Variants in FER1L5 observed in about 807,000 individuals in gnomAD.
FER1L5 encodes fer-1-like protein 5.
In FER1L5, 187 loss-of-function variants were observed where a neutral mutation model predicts 279.9. The ratio of observed to expected loss-of-function variants is 0.67; its 90% CI spans 0.59 to 0.75. The LOEUF is 0.75. FER1L5 is among the 30% of genes least tolerant of loss of function. The pLI is 0.00. For synonymous variants in FER1L5, 921 were observed against 989.7 expected (o/e 0.93, Z 1.30); for missense variants, 2,091 against 2,594.4 (o/e 0.81, Z 4.21).
At chr2:96,655,238 T>A (rs2075553545) in intron 9 of FER1L5, among the ~76,000 whole-genome samples, 1 of 152,154 alleles carries the variant, frequency 6.6e-6, no homozygotes. Context: ...AGATGTGATT[T>A]GGGAAGACAG....
intron 13 of FER1L5, among the ~76,000 whole-genome samples, chr2:96,662,715 C>A (rs2075997066): frequency 6.6e-6 from 1 of 152,122 alleles, no homozygotes; most frequent in Admixed American, 6.6e-5. Flanking sequence ...AGATATTTTC[C>A]ATATTTGCCA....
In FER1L5 at chr2:96,702,310, G is replaced by A; in HGVS notation, c.5164G>A (p.Glu1722Lys). The change falls in exon 47 of 53, where the codon GAG (glutamate) becomes AAG (lysine). Residue 1722 changes from glutamate to lysine, a missense_variant. By Grantham distance (56) the Glu-to-Lys change is moderately conservative. Coordinates refer to ENST00000624922, the MANE Select transcript of FER1L5 (RefSeq NM_001293083.2). This position sits in a 1 kb window ranked among gnomAD's most constrained non-coding sequence, Gnocchi z 4.0. ...NINPRKPKRY[E>K]LRCIIWKTAN... is the part of the protein sequence containing the mutation. ...CTCAGAGCACAGTGGCCACAGGTAT[G>A]AGCTGCGATGCATCATCTGGAAGAC... 1.2e-6 allele frequency: 2 copies of A among 1,611,312 alleles called. No homozygotes were observed. Among genetic ancestry groups the A allele is most frequent in the Non-Finnish European group, 1.7e-6 (2 of 1,178,918 alleles).
At chr2:96,653,509 T>C (rs1438555200) in intron 7 of FER1L5, 131 bp from the exon 8 acceptor site, 3 of 717,658 alleles carry the variant, frequency 4.2e-6, no homozygotes, top group Non-Finnish European at 7.3e-6. Flanking sequence ...ACTCAGCCTG[T>C]ACTTGTAAAC....
intron 4 of FER1L5, among the ~76,000 whole-genome samples, chr2:96,649,160 G>T (rs766688127): frequency 2.3e-4 from 35 of 152,144 alleles, no homozygotes; most frequent in Non-Finnish European, 4.4e-4. Flanking sequence ...GACACTTGGG[G>T]TGTTCAGGGG....
intron 18 of FER1L5, among the ~76,000 whole-genome samples, chr2:96,672,660 A>ATGTGTGTGTGTGTG (rs140636948): frequency 6.7e-6 from 1 of 148,174 alleles, no homozygotes; most frequent in Admixed American, 6.8e-5. Flanking sequence ...GGGAGTATGA[A>ATGTGTGTGTGTGTG]TGTGTGTGTG....
chr2:96,650,333 C>T (rs766851338), intron 6 of FER1L5, 44 bp downstream of exon 6: 71 of 1,484,964 alleles, frequency 4.8e-5, no homozygotes, highest in Non-Finnish European at 6.3e-5. Flanking sequence ...TCACCTGACA[C>T]TCTTGTTTGC....
chr2:96,663,511 TG>T lies in FER1L5; in HGVS notation c.1140+6del. The T allele has an allele frequency of 6.4e-7, 1 of 1,551,546 alleles. No individual in the cohort carries two copies. The highest frequency in any genetic ancestry group is 8.7e-7 in the Non-Finnish European group (1 of 1,146,900). ...GATCCTGACCTTCCGGATTCAGGTATGGCTCCTCCATCATGCCCACCCTTCT... is the reference window on the plus strand; with the variant it reads ...GATCCTGACCTTCCGGATTCAGGTATGCTCCTCCATCATGCCCACCCTTCT... On this transcript the variant is annotated splice_donor_5th_base_variant and intron_variant, in intron 14 of 52. Coordinates refer to ENST00000624922, the MANE Select transcript of FER1L5 (RefSeq NM_001293083.2).
chr2:96,696,996 G>C (rs1209336220), intron 37 of FER1L5, among the ~76,000 whole-genome samples: 2 of 152,162 alleles, frequency 1.3e-5, no homozygotes, highest in Non-Finnish European at 2.9e-5. Flanking sequence ...CTCCCACCTT[G>C]GCCTCCCAAA....
chr2:96,693,621 G>C lies in FER1L5; in HGVS notation c.3408G>C (p.Glu1136Asp). Residue 1136 changes from glutamate to aspartate, a missense_variant, in exon 32 of 53, where the codon GAG (glutamate) becomes GAC (aspartate). Transcript: ENST00000624922. ...TLIFQHLLLY[E>D]NPQDTKESPP... ...TCTTCCAGCACCTCCTTCTGTACGA[G>C]AACCCACAGGACACCAAAGAGAGCC... 2 of 1,551,724 alleles carry C rather than the reference G, an allele frequency of 1.3e-6. No individual in the cohort carries two copies. Among genetic ancestry groups the C allele is most frequent in the Non-Finnish European group, 1.7e-6 (2 of 1,147,002 alleles).
At chr2:96,647,494 G>A (rs752592249) in intron 3 of FER1L5, among the ~76,000 whole-genome samples, 2 of 152,150 alleles carry the variant, frequency 1.3e-5, no homozygotes, top group African/African-American at 2.4e-5. Flanking sequence ...GCCATCCCAG[G>A]TCAAAATTCC....
intron 1 of FER1L5, among the ~76,000 whole-genome samples, chr2:96,645,488 C>T (rs972274035): frequency 7.0e-4 from 107 of 152,286 alleles, no homozygotes; most frequent in African/African-American, 2.1e-3. Context: ...ACTGAAAACT[C>T]TGGAAGAAAA....
chr2:96,695,534 TGAA>T lies in FER1L5; in HGVS notation c.3772_3774del (p.Lys1258del), dbSNP rs1309761763. Reference sequence around the variant, plus strand: ...ATCCTGGCCTGGGGCCTTCGGAACATGAAGAAGGCGAGCTCCCCCCAGCTCCTG... The same window carrying T: ...ATCCTGGCCTGGGGCCTTCGGAACATGAAGGCGAGCTCCCCCCAGCTCCTG... On this transcript the variant is annotated inframe_deletion, in exon 35 of 53. Coordinates refer to ENST00000624922, the MANE Select transcript of FER1L5 (RefSeq NM_001293083.2). The T allele has an allele frequency of 6.3e-7, 1 of 1,593,908 alleles. No homozygotes were observed. The highest frequency in any genetic ancestry group is 1.8e-5 in the Admixed American group (1 of 56,716).
Position 96,703,053 on chromosome 2 carries a change from ATCT to A in FER1L5, c.5477_5479del (p.Phe1826del). The stretch of plus-strand genomic sequence containing the variant: ...TATCATCCAGGTCTGGGACAATGAC[ATCT>A]TCTCCCCCGACGACTTCCTAGGTGA... On this transcript the variant is annotated inframe_deletion, in exon 49 of 53. Coordinates refer to ENST00000624922, the MANE Select transcript of FER1L5 (RefSeq NM_001293083.2). 3 of 1,613,664 alleles carry A rather than the reference ATCT, an allele frequency of 1.9e-6. No homozygotes were observed. The highest frequency in any genetic ancestry group is 1.3e-5 in the African/African-American group (1 of 75,026).
intron 9 of FER1L5, among the ~76,000 whole-genome samples, chr2:96,658,318 CTTTT>C (rs954953685): frequency 7.8e-6 from 1 of 128,824 alleles, no homozygotes; most frequent in Non-Finnish European, 1.7e-5. Context: ...ACCTGGCCAA[CTTTT>C]TTTTTTTTTT....
intron 19 of FER1L5, among the ~76,000 whole-genome samples, chr2:96,682,055 G>A (rs1187700064): frequency 6.6e-6 from 1 of 150,862 alleles, no homozygotes; most frequent in Admixed American, 6.6e-5. Context: ...CAAAATGCTG[G>A]GATTACAGGT....
chr2:96,693,228 A>T (rs999260197), intron 31 of FER1L5, among the ~76,000 whole-genome samples: 1 of 151,110 alleles, frequency 6.6e-6, no homozygotes, highest in Non-Finnish European at 1.5e-5. Context: ...TCGTCCCTAG[A>T]ACTCCTCCAG....
chr2:96,653,842 C>G (rs905613387), intron 8 of FER1L5, 140 bp downstream of exon 8: 20 of 634,298 alleles, frequency 3.2e-5, no homozygotes, highest in Middle Eastern at 4.2e-4. Context: ...TTCTTCACCC[C>G]CTGGCACCCA....
intron 18 of FER1L5, among the ~76,000 whole-genome samples, 156 bp from the exon 19 acceptor site, chr2:96,672,921 A>T (rs1352375834): frequency 6.6e-6 from 1 of 152,036 alleles, no homozygotes; most frequent in African/African-American, 2.4e-5. Context: ...ACTGCCCTGG[A>T]TCAGCAGGGT....
intron 1 of FER1L5, among the ~76,000 whole-genome samples, chr2:96,643,594 C>T (rs1469055163): frequency 3.3e-5 from 5 of 152,198 alleles, no homozygotes; most frequent in Non-Finnish European, 7.4e-5. Flanking sequence ...AGGGGACCCA[C>T]CTGCCTCGGC....
Sources: gnomAD v4.1 joint callset for allele counts (sites outside exome capture counted in the v4.1 genomes callset) on GRCh38, gnomAD v4.1.1 for gene constraint, Gnocchi (gnomAD v3.1) non-coding constraint, MANE v1.5 for transcripts, NCBI Gene and HGNC (gene_info 2026-07-23, HGNC 2026-07-21) for gene names.